FAM107B: variants seen among roughly 807,000 people sequenced by gnomAD.
The protein encoded by FAM107B is protein FAM107B.
FAM107B carries 21 observed loss-of-function variants against 31.5 expected under a neutral mutation model. The observed-to-expected ratio is 0.67, with a 90% CI of 0.47 to 0.96. FAM107B has a LOEUF of 0.96. Among genes scored for constraint, FAM107B ranks in the 40% least tolerant of loss-of-function variants. The probability of loss-of-function intolerance (pLI) is 0.00; values close to 1 mark genes in which losing one functional copy is unlikely to be tolerated. For missense variants in FAM107B, 452 were observed against 377.1 expected, an observed-to-expected ratio of 1.20 and a Z score of -1.64; for synonymous variants, 157 against 141.5, an observed-to-expected ratio of 1.11 and a Z score of -0.78.
intron 2 of FAM107B, among the ~76,000 whole-genome samples, chr10:14,543,429 A>G (rs1178138692): frequency 6.6e-6 from 1 of 152,110 alleles, no homozygotes; most frequent in Non-Finnish European, 1.5e-5. Context: ...TGCAGTCCTG[A>G]GCTCGGCCTC....
intron 1 of FAM107B, among the ~76,000 whole-genome samples, chr10:14,761,778 A>C (rs958121180): frequency 2.7e-5 from 4 of 150,934 alleles, no homozygotes; most frequent in Non-Finnish European, 5.9e-5. Flanking sequence ...TTGTATTTTT[A>C]GTAGAGGGGG....
At chr10:14,696,171 C>G (rs1461254790) in intron 1 of FAM107B, among the ~76,000 whole-genome samples, 2 of 152,150 alleles carry the variant, frequency 1.3e-5, no homozygotes, top group Non-Finnish European at 2.9e-5. Context: ...CTAAACTGTT[C>G]AGAGTTTATA....
intron 2 of FAM107B, among the ~76,000 whole-genome samples, chr10:14,648,322 G>C (rs559175232): frequency 6.6e-6 from 1 of 152,332 alleles, no homozygotes; most frequent in South Asian, 2.1e-4. Context: ...CTGGCCATTT[G>C]CTGACAGGCA....
intron 1 of FAM107B, among the ~76,000 whole-genome samples, chr10:14,752,490 C>T (rs1832849355): frequency 6.6e-6 from 1 of 152,188 alleles, no homozygotes; most frequent in Non-Finnish European, 1.5e-5. Flanking sequence ...TAGTAAACCT[C>T]GGTTGTGAAT....
Position 14,548,836 on chromosome 10 carries a change from G to A in FAM107B, c.470-18321C>T, listed in dbSNP as rs943187. On this transcript the variant is annotated intron_variant, in intron 2 of 4. Coordinates refer to ENST00000181796, the MANE Select transcript of FAM107B (RefSeq NM_031453.4). ...AGTACACATGCACACGCACACACAC[G>A]CACACACACACCGACTGAATGCTGA... Among the ~76,000 whole-genome samples, 70 of 8,114 alleles carry A rather than the reference G, an allele frequency of 8.6e-3. 1 individual carries two copies. In the South Asian group the frequency reaches 0.19, roughly 22 times the overall value. 5.3% of individuals were successfully genotyped at this position (8,114 alleles called of 152,430 possible). A position where few individuals can be genotyped will look rare whatever the true frequency, so the allele number is the denominator to read the frequency against.
At chr10:14,603,320 C>T (rs1191714182) in intron 2 of FAM107B, among the ~76,000 whole-genome samples, 1 of 152,104 alleles carries the variant, frequency 6.6e-6, no homozygotes, top group Admixed American at 6.5e-5. Context: ...TACTTGATAG[C>T]AAGAAATCGC....
intron 1 of FAM107B, among the ~76,000 whole-genome samples, chr10:14,690,600 G>A (rs780421994): frequency 4.6e-5 from 7 of 152,056 alleles, no homozygotes; most frequent in South Asian, 4.2e-4. Flanking sequence ...CTACAGTTGC[G>A]CGCCACCATG....
intron 1 of FAM107B, among the ~76,000 whole-genome samples, chr10:14,739,880 A>G (rs1856396312): frequency 6.6e-6 from 1 of 152,184 alleles, no homozygotes; most frequent in African/African-American, 2.4e-5. Context: ...CAGAGTCCTG[A>G]TGGCACTGTT....
intron 1 of FAM107B, among the ~76,000 whole-genome samples, chr10:14,760,614 T>G (rs191400266): frequency 3.3e-4 from 50 of 149,848 alleles, no homozygotes; most frequent in African/African-American, 1.2e-3. Flanking sequence ...TTCACAATTT[T>G]AGCTTTACGA....
chr10:14,604,341 C>G, intron 2 of FAM107B: 3 of 809,928 alleles, frequency 3.7e-6, no homozygotes, highest in Non-Finnish European at 4.5e-6. Context: ...CGAGGCGGCG[C>G]GAGGGCGGCT....
intron 2 of FAM107B, among the ~76,000 whole-genome samples, chr10:14,657,740 G>T (rs1854102651): frequency 6.6e-6 from 1 of 152,174 alleles, no homozygotes; most frequent in Admixed American, 6.5e-5. Context: ...TCTTGGAACA[G>T]GGATTGTATG....
chr10:14,615,965 G>T (rs2131396274), intron 2 of FAM107B, among the ~76,000 whole-genome samples: 1 of 152,144 alleles, frequency 6.6e-6, no homozygotes, highest in Non-Finnish European at 1.5e-5. Flanking sequence ...AAATATGACG[G>T]AATTACTTAG....
intron 1 of FAM107B, among the ~76,000 whole-genome samples, chr10:14,735,814 G>A (rs1053637411): frequency 9.9e-5 from 15 of 152,052 alleles, no homozygotes; most frequent in East Asian, 1.9e-4. Flanking sequence ...TCTACACTCC[G>A]TCTCTAGGAA....
chr10:14,750,180 C>G (rs150905522), intron 1 of FAM107B, among the ~76,000 whole-genome samples: 1 of 152,238 alleles, frequency 6.6e-6, no homozygotes, highest in South Asian at 2.1e-4. Context: ...CACCCACAAG[C>G]GTCTTCTAAA....
chr10:14,604,402 G>A (rs1349789163), intron 2 of FAM107B: 15 of 230,644 alleles, frequency 6.5e-5, no homozygotes, highest in Admixed American at 2.0e-4. Flanking sequence ...GGCGGCTCTC[G>A]CTCCCCGCGG....
chr10:14,682,049 C>T (rs1468262699), intron 1 of FAM107B, among the ~76,000 whole-genome samples: 1 of 152,162 alleles, frequency 6.6e-6, no homozygotes, highest in South Asian at 2.1e-4. Context: ...CTCTTAATAA[C>T]CATACTGCTA....
intron 2 of FAM107B, among the ~76,000 whole-genome samples, chr10:14,600,454 C>T (rs1463807407): frequency 6.6e-6 from 1 of 152,106 alleles, no homozygotes; most frequent in Non-Finnish European, 1.5e-5. Flanking sequence ...CCCTATGCAG[C>T]TCCATGGCCC....
At chr10:14,716,326 C>A (rs1448260963) in intron 1 of FAM107B, among the ~76,000 whole-genome samples, 3 of 152,172 alleles carry the variant, frequency 2.0e-5, no homozygotes, top group Non-Finnish European at 4.4e-5. Context: ...CACTGGGTTG[C>A]GGGATCCATT....
At chr10:14,641,426 G>A (rs1853624296) in intron 2 of FAM107B, among the ~76,000 whole-genome samples, 1 of 152,112 alleles carries the variant, frequency 6.6e-6, no homozygotes, top group Non-Finnish European at 1.5e-5. Flanking sequence ...GGCTCTCTTA[G>A]CTCAGGCCGC....
Sources: allele counts gnomAD v4.1 joint callset (sites outside exome capture counted in the v4.1 genomes callset), GRCh38; gene constraint gnomAD v4.1.1; transcripts MANE v1.5; gene names NCBI Gene and HGNC (gene_info 2026-07-23, HGNC 2026-07-21).